The following RMP64 variants were observed in gnomAD, a reference collection of about 807,000 sequenced individuals.
RMP64 encodes the protein nucleolus and neural progenitor protein.
the RMP64 span, chr3:113,011,464 T>A: frequency 5.6e-6 from 8 of 1,420,424 alleles, no homozygotes; most frequent in Non-Finnish European, 6.7e-6. Flanking sequence ...GCAGATTACA[T>A]AATAAACTGC....
chr3:113,018,687 CG>C, the RMP64 span, among the ~76,000 whole-genome samples: 2 of 152,166 alleles, frequency 1.3e-5, no homozygotes, highest in African/African-American at 4.8e-5. Flanking sequence ...CCCGGAGCTA[CG>C]TATTTAATAT....
At chr3:113,004,919 T>C in the RMP64 span, 1 of 152,818 alleles carries the variant, frequency 6.5e-6, no homozygotes, top group Non-Finnish European at 1.5e-5. Context: ...TTAAAACGTT[T>C]TGGAGAACTC....
chr3:113,004,532 T>C, the RMP64 span: 2 of 152,196 alleles, frequency 1.3e-5, no homozygotes, highest in Admixed American at 6.5e-5. Flanking sequence ...AGGTACTACT[T>C]TCTTTTTCTT....
the RMP64 span, chr3:113,013,968 T>C: frequency 1.2e-6 from 2 of 1,613,042 alleles, no homozygotes; most frequent in Admixed American, 1.7e-5. Flanking sequence ...AGAAAACAAC[T>C]CAAACAGGTC....
the RMP64 span, chr3:113,005,579 T>G: frequency 6.2e-7 from 1 of 1,613,756 alleles, no homozygotes; most frequent in Admixed American, 1.7e-5. Flanking sequence ...GTCATCTGTC[T>G]CCTTAATGGT....
chr3:113,016,184 A>C, the RMP64 span, among the ~76,000 whole-genome samples: 2 of 152,226 alleles, frequency 1.3e-5, no homozygotes, highest in Admixed American at 6.5e-5. Flanking sequence ...AGCCAAACTA[A>C]GAAGTTTGGT....
chr3:113,013,367 G>T, the RMP64 span: 8 of 1,612,672 alleles, frequency 5.0e-6, no homozygotes, highest in Non-Finnish European at 6.8e-6. Context: ...GCTGACTGGG[G>T]ACAACACATA....
the RMP64 span, chr3:113,015,029 A>T: frequency 6.6e-6 from 1 of 152,226 alleles, no homozygotes; most frequent in East Asian, 1.9e-4. Flanking sequence ...ACCGCTGTTA[A>T]AACAGAATCC....
the RMP64 span, chr3:113,005,807 T>C: frequency 6.2e-7 from 1 of 1,614,020 alleles, no homozygotes; most frequent in Non-Finnish European, 8.5e-7. Context: ...TGTAGCACTC[T>C]TCCGAGTCCC....
the RMP64 span, chr3:113,014,097 C>A: frequency 1.0e-6 from 1 of 981,902 alleles, no homozygotes; most frequent in Non-Finnish European, 1.6e-6. Context: ...TGATTATGAC[C>A]AGGAAAGCAA....
the RMP64 span, chr3:113,004,145 AG>A: frequency 6.6e-6 from 1 of 152,262 alleles, no homozygotes; most frequent in Non-Finnish European, 1.5e-5. Flanking sequence ...ACCACTTGGT[AG>A]AAAGCCAAAA....
the RMP64 span, chr3:113,010,961 C>A: frequency 1.6e-6 from 2 of 1,222,532 alleles, no homozygotes; most frequent in Non-Finnish European, 1.1e-6. Flanking sequence ...TCTTTCTATG[C>A]AATGCATGAC....
the RMP64 span, chr3:113,004,709 G>C: frequency 1.3e-5 from 2 of 152,156 alleles, no homozygotes; most frequent in Non-Finnish European, 2.9e-5. Context: ...TCCCCTATCA[G>C]ATGACAGCAT....
the RMP64 span, among the ~76,000 whole-genome samples, chr3:113,006,580 C>T: frequency 6.6e-6 from 1 of 152,212 alleles, no homozygotes; most frequent in South Asian, 2.1e-4. Context: ...AACAGCTGAT[C>T]ATTTTAGGTG....
chr3:113,002,970 T>C, the RMP64 span: 2 of 152,276 alleles, frequency 1.3e-5, no homozygotes, highest in South Asian at 4.1e-4. Flanking sequence ...GTGACTTTAG[T>C]ATGAAGGCCA....
the RMP64 span, among the ~76,000 whole-genome samples, chr3:113,016,564 C>T: frequency 1.3e-5 from 2 of 152,080 alleles, no homozygotes; most frequent in African/African-American, 2.4e-5. Flanking sequence ...AAAAAGACTC[C>T]GAAAAAGATA....
chr3:113,019,298 T>TC, the RMP64 span: 3 of 549,024 alleles, frequency 5.5e-6, 1 homozygote, highest in South Asian at 6.5e-5. Context: ...TGAGCCTTGG[T>TC]CTTTCATCTC....
the RMP64 span, chr3:113,008,662 A>C: frequency 5.7e-5 from 20 of 349,702 alleles, no homozygotes; most frequent in South Asian, 1.5e-3. Flanking sequence ...AAAACCTAAA[A>C]ATTAAAAAAA....
At chr3:113,011,545 T>C in the RMP64 span, 1 of 640,122 alleles carries the variant, frequency 1.6e-6, no homozygotes. Flanking sequence ...TAGTGCACAC[T>C]TGCGAACAGC....
Sources: gnomAD v4.1 joint callset for allele counts (sites outside exome capture counted in the v4.1 genomes callset) on GRCh38, gnomAD v4.1.1 for gene constraint, MANE v1.5 for transcripts, NCBI Gene and HGNC (gene_info 2026-07-23, HGNC 2026-07-21) for gene names.